Variants in ABI3BP observed in about 807,000 individuals in gnomAD.
ABI3BP encodes the protein target of Nesh-SH3.
ABI3BP carries 216 observed loss-of-function variants against 268.6 expected under a neutral mutation model. That is an observed-to-expected ratio of 0.80 (90% confidence interval 0.72 to 0.90). The LOEUF (loss-of-function observed/expected upper bound fraction) is 0.90. Ranked by LOEUF, ABI3BP falls within the 40% of genes least tolerant of loss-of-function variation. The probability of loss-of-function intolerance (pLI) is 0.00; values close to 1 mark genes in which losing one functional copy is unlikely to be tolerated. For missense variants in ABI3BP, 2,090 were observed against 2,182.4 expected, an observed-to-expected ratio of 0.96 and a Z score of 0.84; for synonymous variants, 730 against 730.0, an observed-to-expected ratio of 1.00 and a Z score of 0.00.
chr3:100,917,982 G>A (rs1417697722), intron 2 of ABI3BP, among the ~76,000 whole-genome samples: 4 of 151,968 alleles, frequency 2.6e-5, no homozygotes, highest in South Asian at 2.1e-4. Flanking sequence ...CCTATTAGGC[G>A]AATTTCTTTA....
chr3:100,925,543 A>G (rs1261367101), intron 2 of ABI3BP, among the ~76,000 whole-genome samples: 5 of 151,996 alleles, frequency 3.3e-5, no homozygotes, highest in Non-Finnish European at 7.4e-5. Flanking sequence ...CCTCACAAGT[A>G]GCTGGGACTA....
rs2097920720 is a variant in ABI3BP at position 100,813,703 on chromosome 3, G to C, written c.3322C>G (p.Pro1108Ala). 5 of 1,535,356 alleles carry C rather than the reference G, an allele frequency of 3.3e-6. No homozygotes were observed. Among genetic ancestry groups the C allele is most frequent in the Non-Finnish European group, 4.4e-6 (5 of 1,146,432 alleles). The change falls in exon 45 of 68, where the codon CCA (proline) becomes GCA (alanine). Residue 1108 changes from proline (P) to alanine (A), a missense_variant. Transcript: ENST00000471714. ...ATTTCTAGGCTTGGTGATGTCACTG[G>C]TTTCAAAATAAGAGTTTGCAGTTCA... The part of the protein sequence containing the change: ...LTELQTLILK[P>A]VTSPSLEMTE...
intron 2 of ABI3BP, among the ~76,000 whole-genome samples, chr3:100,917,953 A>G (rs1049299249): frequency 6.6e-6 from 1 of 152,174 alleles, no homozygotes; most frequent in Admixed American, 6.5e-5. Flanking sequence ...GATGGTGTAC[A>G]TTTATTAAGA....
Position 100,982,685 on chromosome 3 carries a change from AT to A in ABI3BP, c.79+10620del, listed in dbSNP as rs1229245027. On this transcript the variant is annotated intron_variant, in intron 1 of 67. Transcript: ENST00000471714. ...GATATGGGAGAGCATGCCCAGAATC[AT>A]TTTCCTTTTAATTCTTGTAAAAAGG... Among the ~76,000 whole-genome samples the A allele has an allele frequency of 2.0e-5, 3 of 152,164 alleles. No individual in the cohort carries two copies. In the East Asian group the frequency reaches 5.8e-4, roughly 30 times the overall value.
rs1026497197 is a variant in ABI3BP at position 100,817,418 on chromosome 3, A to T, written c.3148+18T>A. 6 of 1,483,056 alleles carry T rather than the reference A, an allele frequency of 4.0e-6. No homozygotes were observed. In the African/African-American group the frequency reaches 8.4e-5, roughly 21 times the overall value. 91.9% of individuals were successfully genotyped at this position (1,483,056 alleles called of 1,614,324 possible). A position where few individuals can be genotyped will look rare whatever the true frequency, so the allele number is the denominator to read the frequency against. On this transcript the variant is annotated intron_variant, in intron 42 of 67. Transcript: ENST00000471714. Reference sequence around the variant, plus strand: ...AATAAGGAGGAAAAAGTTATTCAGGAACACAGAATATCATTACCTAACGTT... The same window carrying T: ...AATAAGGAGGAAAAAGTTATTCAGGTACACAGAATATCATTACCTAACGTT...
At chr3:100,829,775 G>T in intron 32 of ABI3BP, 111 bp from the exon 33 acceptor site, 1 of 826,248 alleles carries the variant, frequency 1.2e-6, no homozygotes, top group Non-Finnish European at 1.9e-6. Context: ...TTTTGGGTTT[G>T]AAATATTTGC....
chr3:100,855,295 A>G (rs571166546), intron 14 of ABI3BP, among the ~76,000 whole-genome samples: 5 of 152,344 alleles, frequency 3.3e-5, no homozygotes, highest in Non-Finnish European at 5.9e-5. Flanking sequence ...AAAGCCCCCA[A>G]TAAAAATGCC....
At chr3:100,920,223 G>A (rs1036562917) in intron 2 of ABI3BP, among the ~76,000 whole-genome samples, 4 of 152,052 alleles carry the variant, frequency 2.6e-5, no homozygotes, top group Non-Finnish European at 5.9e-5. Context: ...CTTAGACCAG[G>A]CTTTTTCAAC....
chr3:100,836,538 G>A (rs1236043874), intron 27 of ABI3BP, among the ~76,000 whole-genome samples: 1 of 152,104 alleles, frequency 6.6e-6, no homozygotes, highest in Admixed American at 6.6e-5. Flanking sequence ...TAATAGAAGA[G>A]ATGGAGGAAG....
intron 1 of ABI3BP, among the ~76,000 whole-genome samples, chr3:100,992,309 G>A (rs879851849): frequency 6.6e-6 from 1 of 152,046 alleles, no homozygotes; most frequent in Admixed American, 6.6e-5. Flanking sequence ...ATGATCCTGG[G>A]GCAGACTACC....
chr3:100,967,391 C>A (rs1285331750), intron 1 of ABI3BP, among the ~76,000 whole-genome samples: 1 of 151,332 alleles, frequency 6.6e-6, no homozygotes, highest in Non-Finnish European at 1.5e-5. Flanking sequence ...GTTATCCCAG[C>A]TACTCGGGAG....
At chr3:100,821,250 AAAAAAGTAG>A (rs1226358111) in intron 38 of ABI3BP, 137 bp from the exon 39 acceptor site, 1 of 712,520 alleles carries the variant, frequency 1.4e-6, no homozygotes, top group African/African-American at 1.8e-5. Context: ...TGTTAAAACT[AAAAAAGTAG>A]ACAGTTGATT....
At chr3:100,875,370 C>T in intron 8 of ABI3BP, 138 bp downstream of exon 8, 1 of 670,324 alleles carries the variant, frequency 1.5e-6, no homozygotes, top group Non-Finnish European at 2.6e-6. Context: ...GGACACGAGC[C>T]AGGATGCTAA....
At chr3:100,806,296 A>T (rs1258754370) in intron 50 of ABI3BP, among the ~76,000 whole-genome samples, 1 of 152,098 alleles carries the variant, frequency 6.6e-6, no homozygotes, top group Non-Finnish European at 1.5e-5. Context: ...CAGCCCAACA[A>T]CAATAGTTTG....
At chr3:100,802,439 A>G in intron 51 of ABI3BP, among the ~76,000 whole-genome samples, 1 of 152,142 alleles carries the variant, frequency 6.6e-6, no homozygotes. Context: ...GTTAAATATT[A>G]TCTGAATTCT....
intron 4 of ABI3BP, among the ~76,000 whole-genome samples, chr3:100,897,616 T>C (rs976850601): frequency 6.6e-6 from 1 of 152,182 alleles, no homozygotes; most frequent in African/African-American, 2.4e-5. Context: ...AAAACTAATC[T>C]ATGGTGATAG....
intron 19 of ABI3BP, among the ~76,000 whole-genome samples, chr3:100,847,345 T>C (rs563000328): frequency 7.2e-4 from 109 of 152,254 alleles, no homozygotes; most frequent in Middle Eastern, 3.4e-3. Flanking sequence ...ACTGGATAGA[T>C]GACAAGGAAG....
At chr3:100,959,370 G>C (rs2078043903) in intron 1 of ABI3BP, among the ~76,000 whole-genome samples, 1 of 150,902 alleles carries the variant, frequency 6.6e-6, no homozygotes, top group South Asian at 2.1e-4. Flanking sequence ...GGCGCCTGTA[G>C]TCCCAGCTAC....
intron 1 of ABI3BP, among the ~76,000 whole-genome samples, chr3:100,933,264 G>A (rs573340609): frequency 1.1e-4 from 17 of 151,930 alleles, no homozygotes; most frequent in African/African-American, 2.4e-4. Context: ...ATCAGGTACC[G>A]TATTAATTGC....
Sources: gnomAD v4.1 joint callset for allele counts (sites outside exome capture counted in the v4.1 genomes callset) on GRCh38, gnomAD v4.1.1 for gene constraint, MANE v1.5 for transcripts, NCBI Gene and HGNC (gene_info 2026-07-23, HGNC 2026-07-21) for gene names.